The following USP47 variants were observed in gnomAD, a reference collection of about 807,000 sequenced individuals.
The protein encoded by USP47 is ubiquitin carboxyl-terminal hydrolase 47.
USP47 carries 35 observed loss-of-function variants against 165.1 expected under a neutral mutation model. The observed-to-expected ratio is 0.21, with a 90% CI of 0.16 to 0.28. The LOEUF (loss-of-function observed/expected upper bound fraction) is 0.28. USP47 is among the 10% of genes least tolerant of loss of function. USP47 has a pLI of 1.00. For missense variants in USP47, 1,277 were observed against 1,607.4 expected, an observed-to-expected ratio of 0.79 and a Z score of 3.52; for synonymous variants, 531 against 544.5, an observed-to-expected ratio of 0.98 and a Z score of 0.35.
chr11:11,901,957 T>TC (rs1382210393), intron 5 of USP47, among the ~76,000 whole-genome samples: 1 of 125,276 alleles, frequency 8.0e-6, no homozygotes, highest in African/African-American at 3.1e-5. Flanking sequence ...AGACTCTGTC[T>TC]CAAAAAAAAA....
At chr11:11,917,426 T>TA (rs1290287986) in intron 8 of USP47, among the ~76,000 whole-genome samples, 1 of 152,082 alleles carries the variant, frequency 6.6e-6, no homozygotes, top group Non-Finnish European at 1.5e-5. Context: ...TGTGAGCACT[T>TA]ACTATATTAA....
intron 20 of USP47, among the ~76,000 whole-genome samples, chr11:11,947,440 A>G (rs906056965): frequency 2.0e-5 from 3 of 152,306 alleles, no homozygotes; most frequent in African/African-American, 4.8e-5. Context: ...TTTTGAGGCA[A>G]TCACGCTGTA....
chr11:11,841,991 G>GATCT lies in USP47; in HGVS notation c.-195_-194insATCT. On this transcript the variant is annotated 5_prime_UTR_variant, in exon 1 of 28. Coordinates refer to ENST00000527733, the MANE Select transcript of USP47 (RefSeq NM_001282659.2). Reference sequence around the variant, plus strand: ...GCCGACGACGAAGGCGGCTGTGGTAGCGGCGGCGGCGGCGGCGGAGCCCTG... The same window carrying GATCT: ...GCCGACGACGAAGGCGGCTGTGGTAGATCTCGGCGGCGGCGGCGGCGGAGCCCTG... 2 of 417,156 alleles carry GATCT rather than the reference G, an allele frequency of 4.8e-6. No individual in the cohort carries two copies. Among genetic ancestry groups the GATCT allele is most frequent in the East Asian group, 4.4e-5 (1 of 22,932 alleles). The allele number at this position is 417,156 out of a possible 1,614,324, so 25.8% of individuals were successfully genotyped here.
chr11:11,913,630 C>T (rs544695377), intron 8 of USP47, among the ~76,000 whole-genome samples: 64 of 151,820 alleles, frequency 4.2e-4, no homozygotes, highest in African/African-American at 1.4e-3. Context: ...TTGAGAGAGG[C>T]GGGGATAAAG....
chr11:11,889,260 T>TA (rs1851360965), intron 3 of USP47, among the ~76,000 whole-genome samples: 1 of 152,310 alleles, frequency 6.6e-6, no homozygotes, highest in South Asian at 2.1e-4. Flanking sequence ...GAAGTCAGAT[T>TA]ATCTTTGTTT....
chr11:11,873,963 G>T, intron 1 of USP47: 1 of 592,538 alleles, frequency 1.7e-6, no homozygotes. Context: ...TTTTATGCTT[G>T]TTTGGCTATT....
intron 1 of USP47, among the ~76,000 whole-genome samples, chr11:11,845,037 T>A (rs1396175501): frequency 6.6e-6 from 1 of 152,130 alleles, no homozygotes; most frequent in Non-Finnish European, 1.5e-5. Context: ...GTCAAAAGAA[T>A]TATAATAGTC....
intron 2 of USP47, 34 bp downstream of exon 2, chr11:11,880,414 A>G (rs1590288932): frequency 1.6e-6 from 2 of 1,258,908 alleles, no homozygotes; most frequent in Non-Finnish European, 1.0e-6. Context: ...TAAAAATGTT[A>G]TTATAGCCAT....
At chr11:11,943,184 T>C (rs1204998446) in intron 20 of USP47, 72 bp downstream of exon 20, 1 of 1,500,872 alleles carries the variant, frequency 6.7e-7, no homozygotes, top group Non-Finnish European at 8.9e-7. Context: ...AAATTTTCAG[T>C]TAAGTGTTAG....
At chr11:11,921,332 A>G (rs940399289) in intron 10 of USP47, among the ~76,000 whole-genome samples, 1 of 151,674 alleles carries the variant, frequency 6.6e-6, no homozygotes, top group African/African-American at 2.4e-5. Flanking sequence ...TTAAACATTC[A>G]CTAAGTTTTA....
intron 1 of USP47, among the ~76,000 whole-genome samples, chr11:11,867,217 T>G (rs1849741822): frequency 6.6e-6 from 1 of 152,166 alleles, no homozygotes; most frequent in Non-Finnish European, 1.5e-5. Flanking sequence ...ACATGTAAAT[T>G]CTTCTCCGTT....
rs774514174 is a variant in USP47 at position 11,959,420 on chromosome 11, A to C, written c.*3245A>C. The C allele has an allele frequency of 1.3e-5, 2 of 152,198 alleles. No individual in the cohort carries two copies. Among genetic ancestry groups the C allele is most frequent in the Non-Finnish European group, 2.9e-5 (2 of 68,034 alleles). 9.4% of individuals were successfully genotyped at this position (152,198 alleles called of 1,614,324 possible). On this transcript the variant is annotated 3_prime_UTR_variant, in exon 28 of 28. Transcript: ENST00000527733. ...TGTCCTGAAAGGCAAAACTCTGTGT[A>C]TGTGCGATTTACCAGGGAGATAGTA...
chr11:11,856,415 A>G (rs1341568971), intron 1 of USP47: 2 of 152,204 alleles, frequency 1.3e-5, no homozygotes, highest in African/African-American at 4.8e-5. Flanking sequence ...ATTTGCAATC[A>G]TATAATTAGG....
intron 1 of USP47, among the ~76,000 whole-genome samples, chr11:11,859,073 A>G (rs940665317): frequency 2.6e-5 from 4 of 152,082 alleles, no homozygotes; most frequent in African/African-American, 7.2e-5. Flanking sequence ...TTAAGTGTGT[A>G]GTGGTGGTAT....
intron 8 of USP47, among the ~76,000 whole-genome samples, chr11:11,912,074 A>G (rs1853036815): frequency 6.6e-6 from 1 of 152,042 alleles, no homozygotes; most frequent in African/African-American, 2.4e-5. Context: ...AACTAAAGCA[A>G]TACCGAGAGG....
chr11:11,928,320 C>G (rs1854407137), intron 11 of USP47, among the ~76,000 whole-genome samples: 1 of 152,002 alleles, frequency 6.6e-6, no homozygotes, highest in African/African-American at 2.4e-5. Flanking sequence ...AACTTCCTCC[C>G]TATCACCACT....
intron 11 of USP47, among the ~76,000 whole-genome samples, chr11:11,923,130 T>C (rs943599931): frequency 3.5e-5 from 5 of 144,692 alleles, no homozygotes; most frequent in Non-Finnish European, 7.6e-5. Context: ...GGTAAGAACA[T>C]TAATTTTTGG....
chr11:11,880,188 T>G lies in USP47; in HGVS notation c.51T>G (p.Ala17=). The G allele has an allele frequency of 6.8e-7, 1 of 1,475,212 alleles. No individual in the cohort carries two copies. The highest frequency in any genetic ancestry group is 8.9e-7 in the Non-Finnish European group (1 of 1,123,864). The allele number at this position is 1,475,212 out of a possible 1,614,324, so 91.4% of individuals were successfully genotyped here. A position where few individuals can be genotyped will look rare whatever the true frequency, so the allele number is the denominator to read the frequency against. Reference sequence around the variant, plus strand: ...TCTTAAAATTTCAGATAGAAAATGCTGCTGAAGAACCTAGAGTCTTATGTA... The same window carrying G: ...TCTTAAAATTTCAGATAGAAAATGCGGCTGAAGAACCTAGAGTCTTATGTA... The part of the protein sequence containing the change: ...NQLVPKEIEN[A]AEEPRVLCII... The change falls in exon 2 of 28, where the codon GCT becomes GCG. Residue 17 remains alanine, a synonymous_variant. Transcript: ENST00000527733.
intron 1 of USP47, among the ~76,000 whole-genome samples, chr11:11,851,469 G>A (rs1364296585): frequency 6.6e-6 from 1 of 150,780 alleles, no homozygotes; most frequent in Non-Finnish European, 1.5e-5. Flanking sequence ...TTATTTTTTT[G>A]TTTGTTTGCT....
Sources: gnomAD v4.1 joint callset for allele counts (sites outside exome capture counted in the v4.1 genomes callset) on GRCh38, gnomAD v4.1.1 for gene constraint, MANE v1.5 for transcripts, NCBI Gene and HGNC (gene_info 2026-07-23, HGNC 2026-07-21) for gene names.